The following DPYD variants were observed in gnomAD, a reference collection of about 807,000 sequenced individuals.
DPYD encodes the protein dihydropyrimidine dehydrogenase [NADP(+)].
A neutral mutation model predicts 116.2 loss-of-function variants in DPYD; 109 were observed. That is an observed-to-expected ratio of 0.94 (90% confidence interval 0.80 to 1.10). The LOEUF is 1.10. DPYD is among the 50% of genes least tolerant of loss of function. DPYD has a pLI of 0.00. For missense variants in DPYD, 1,302 were observed against 1,254.5 expected, an observed-to-expected ratio of 1.04 and a Z score of -0.57; for synonymous variants, 440 against 432.0, an observed-to-expected ratio of 1.02 and a Z score of -0.23.
chr1:97,347,725 T>C (rs1281882640), intron 16 of DPYD, among the ~76,000 whole-genome samples: 2 of 152,136 alleles, frequency 1.3e-5, no homozygotes, highest in African/African-American at 2.4e-5. Flanking sequence ...ATGTACAACA[T>C]GATGTTCTGA....
At chr1:97,437,830 T>C (rs186812776) in intron 14 of DPYD, among the ~76,000 whole-genome samples, 9 of 152,070 alleles carry the variant, frequency 5.9e-5, no homozygotes, top group Admixed American at 3.9e-4. Context: ...AGGTCAAAAG[T>C]TTTCTTCAAA....
intron 7 of DPYD, among the ~76,000 whole-genome samples, chr1:97,690,427 C>T (rs922907425): frequency 1.3e-5 from 2 of 151,626 alleles, no homozygotes; most frequent in Admixed American, 1.3e-4. Context: ...AGCCTAATTT[C>T]TTTTTTCATT....
At chr1:97,385,999 A>T (rs1672321607) in intron 14 of DPYD, among the ~76,000 whole-genome samples, 1 of 152,104 alleles carries the variant, frequency 6.6e-6, no homozygotes, top group Admixed American at 6.6e-5. Context: ...TCATACAGAG[A>T]GTTGTTCAGG....
chr1:97,795,659 C>T (rs1667536568), intron 3 of DPYD, among the ~76,000 whole-genome samples: 1 of 151,736 alleles, frequency 6.6e-6, no homozygotes, highest in South Asian at 2.1e-4. Flanking sequence ...ACCATTGTAG[C>T]TTTTTAAAAA....
At chr1:97,184,544 G>T (rs1433461262) in intron 20 of DPYD, among the ~76,000 whole-genome samples, 3 of 152,024 alleles carry the variant, frequency 2.0e-5, no homozygotes, top group African/African-American at 7.2e-5. Context: ...TCATACGCTT[G>T]TTGGCTGCAT....
intron 8 of DPYD, among the ~76,000 whole-genome samples, chr1:97,653,796 C>T (rs764744108): frequency 1.3e-5 from 2 of 152,110 alleles, no homozygotes; most frequent in African/African-American, 2.4e-5. Flanking sequence ...TGAGTAATAA[C>T]GATAAAATTC....
chr1:97,165,674 C>T (rs6656329), intron 20 of DPYD, among the ~76,000 whole-genome samples: 46,492 of 151,906 alleles, frequency 0.31, 8,166 homozygotes, highest in East Asian at 0.65. Flanking sequence ...AACTATGTAT[C>T]GAACAAAGAT....
At chr1:97,292,742 ACACACT>A (rs1558006216) in intron 18 of DPYD, among the ~76,000 whole-genome samples, 1 of 150,360 alleles carries the variant, frequency 6.7e-6, no homozygotes, top group Non-Finnish European at 1.5e-5. Flanking sequence ...ACACACACAC[ACACACT>A]ATTTCTACAA....
intron 13 of DPYD, among the ~76,000 whole-genome samples, chr1:97,487,250 C>A (rs948437173): frequency 3.3e-5 from 5 of 151,714 alleles, no homozygotes; most frequent in African/African-American, 4.8e-5. Context: ...TAATGAGTGA[C>A]CTCCAGGATA....
chr1:97,383,088 A>G (rs1327388456), intron 14 of DPYD, among the ~76,000 whole-genome samples: 1 of 152,194 alleles, frequency 6.6e-6, no homozygotes, highest in Non-Finnish European at 1.5e-5. Context: ...CCAGGTTAGA[A>G]CCCTGACTCT....
intron 16 of DPYD, among the ~76,000 whole-genome samples, chr1:97,363,675 C>T (rs1267838252): frequency 1.3e-5 from 2 of 152,116 alleles, no homozygotes; most frequent in Non-Finnish European, 2.9e-5. Context: ...AGCTGGAAAC[C>T]ATCATTCTGA....
intron 12 of DPYD, among the ~76,000 whole-genome samples, chr1:97,538,776 A>T (rs936045932): frequency 5.9e-5 from 9 of 152,220 alleles, no homozygotes; most frequent in Admixed American, 6.5e-5. Flanking sequence ...TCATGAGCTT[A>T]CAGGGTTAAG....
At chr1:97,631,493 C>T (rs1045979075) in intron 8 of DPYD, among the ~76,000 whole-genome samples, 1 of 151,944 alleles carries the variant, frequency 6.6e-6, no homozygotes, top group African/African-American at 2.4e-5. Flanking sequence ...ATCATAAGTG[C>T]TTATGTGAAC....
intron 14 of DPYD, among the ~76,000 whole-genome samples, chr1:97,445,061 T>C (rs1199147417): frequency 6.6e-6 from 1 of 152,098 alleles, no homozygotes; most frequent in Non-Finnish European, 1.5e-5. Context: ...AAGGATCCTT[T>C]TTTCTTTTTC....
intron 6 of DPYD, among the ~76,000 whole-genome samples, chr1:97,695,824 G>A (rs1032965782): frequency 6.6e-6 from 1 of 152,088 alleles, no homozygotes; most frequent in Non-Finnish European, 1.5e-5. Flanking sequence ...GGAAGCTACT[G>A]CAGTGGTAAA....
At chr1:97,195,152 C>T (rs1297594141) in intron 19 of DPYD, among the ~76,000 whole-genome samples, 1 of 152,082 alleles carries the variant, frequency 6.6e-6, no homozygotes, top group African/African-American at 2.4e-5. Context: ...ATTCAACATA[C>T]TTCCCAATTT....
chr1:97,807,929 G>A (rs1166484621), intron 3 of DPYD, among the ~76,000 whole-genome samples: 1 of 152,012 alleles, frequency 6.6e-6, no homozygotes, highest in East Asian at 1.9e-4. Context: ...AAGACAAGTT[G>A]ATTATGTAGG....
intron 2 of DPYD, among the ~76,000 whole-genome samples, chr1:97,828,472 G>A (rs1669360521): frequency 6.6e-6 from 1 of 152,000 alleles, no homozygotes; most frequent in Admixed American, 6.6e-5. Flanking sequence ...CAGAAGAAAT[G>A]AATTTATAAA....
At chr1:97,299,566 G>A (rs753011251) in intron 18 of DPYD, among the ~76,000 whole-genome samples, 3 of 152,122 alleles carry the variant, frequency 2.0e-5, no homozygotes, top group Non-Finnish European at 2.9e-5. Flanking sequence ...TGTAGACCTT[G>A]ATCTATGCTT....
Sources: gnomAD v4.1 joint callset for allele counts (sites outside exome capture counted in the v4.1 genomes callset) on GRCh38, gnomAD v4.1.1 for gene constraint, MANE v1.5 for transcripts, NCBI Gene and HGNC (gene_info 2026-07-23, HGNC 2026-07-21) for gene names.